The following UBR4 variants were observed in gnomAD, a reference collection of about 807,000 sequenced individuals.
The protein encoded by UBR4 is ubiquitin protein ligase E3 component n-recognin 4.
A neutral mutation model predicts 575.6 loss-of-function variants in UBR4; 124 were observed. The ratio of observed to expected loss-of-function variants is 0.22; its 90% CI spans 0.19 to 0.25. The LOEUF (loss-of-function observed/expected upper bound fraction) is 0.25. UBR4 is among the 10% of genes least tolerant of loss of function. The probability of loss-of-function intolerance (pLI) is 1.00; values close to 1 mark genes in which losing one functional copy is unlikely to be tolerated. For synonymous variants in UBR4, 2,455 were observed against 2,473.7 expected (o/e 0.99, Z 0.22); for missense variants, 4,818 against 6,478.8 (o/e 0.74, Z 8.80).
intron 60 of UBR4, among the ~76,000 whole-genome samples, chr1:19,136,747 T>G (rs2083242816): frequency 6.6e-6 from 1 of 152,208 alleles, no homozygotes; most frequent in Non-Finnish European, 1.5e-5. Context: ...TAAAAAATCA[T>G]AGAGACCAAA....
chr1:19,117,215 C>A lies in UBR4; in HGVS notation c.10823+6G>T, dbSNP rs756008905. The stretch of plus-strand genomic sequence containing the variant: ...CTGCCCCTCCCGAGGCCTAAAAAGC[C>A]CGTACTTGTTTTTCAACTCCACGAT... On this transcript the variant is annotated splice_donor_region_variant and intron_variant, in intron 73 of 105. Coordinates refer to ENST00000375254, the MANE Select transcript of UBR4 (RefSeq NM_020765.3). This position sits in a 1 kb window ranked among gnomAD's most constrained non-coding sequence, Gnocchi z 4.0. 6.2e-7 allele frequency: 1 copy of A among 1,610,838 alleles called. No individual in the cohort carries two copies. Among genetic ancestry groups the A allele is most frequent in the East Asian group, 2.2e-5 (1 of 44,820 alleles).
In UBR4 at chr1:19,093,238, C is replaced by CA; in HGVS notation, c.14111+74dup. The stretch of plus-strand genomic sequence containing the variant: ...AAGGGGCACACGTGAAGCTTTATGC[C>CA]AAGATGCTGATGGAGAAGGAAAAGG... On this transcript the variant is annotated intron_variant, in intron 96 of 105. Transcript: ENST00000375254. This position sits in a 1 kb window ranked among gnomAD's most constrained non-coding sequence, Gnocchi z 4.8. 1 of 1,553,172 alleles carries CA rather than the reference C, an allele frequency of 6.4e-7. No homozygotes were observed.
chr1:19,184,422 T>C (rs759324110), intron 15 of UBR4, among the ~76,000 whole-genome samples: 12 of 152,182 alleles, frequency 7.9e-5, no homozygotes, highest in Non-Finnish European at 1.8e-4. Context: ...CAAAACAGTG[T>C]ATGAAAACAG....
chr1:19,178,379 G>C (rs540994259), intron 18 of UBR4, among the ~76,000 whole-genome samples: 2 of 152,356 alleles, frequency 1.3e-5, no homozygotes, highest in South Asian at 4.1e-4. Flanking sequence ...TTAGGAAAGA[G>C]ATTTGTGTGT....
Position 19,152,823 on chromosome 1 carries a change from A to T in UBR4, c.6833-347T>A, listed in dbSNP as rs943594833. On this transcript the variant is annotated intron_variant, in intron 46 of 105. Coordinates refer to ENST00000375254, the MANE Select transcript of UBR4 (RefSeq NM_020765.3). This position sits in a 1 kb window ranked among gnomAD's most constrained non-coding sequence, Gnocchi z 4.4. The stretch of plus-strand genomic sequence containing the variant: ...TTCTTTCAAAATAGACTGTAGAGCA[A>T]ATTTAAGGTAATGTGATGATCCCTG... 1.3e-5 allele frequency among the ~76,000 whole-genome samples: 2 copies of T among 152,224 alleles called. No individual in the cohort carries two copies. The highest frequency in any genetic ancestry group is 4.8e-5 in the African/African-American group (2 of 41,454).
intron 37 of UBR4, 114 bp downstream of exon 37, chr1:19,161,475 G>A: frequency 7.2e-7 from 1 of 1,394,636 alleles, no homozygotes; most frequent in Non-Finnish European, 9.7e-7. Context: ...GAGTGAGCTG[G>A]AACATATTCC....
At chr1:19,121,851 C>T (rs1026945894) in intron 67 of UBR4, 83 bp downstream of exon 67, 78 of 1,441,462 alleles carry the variant, frequency 5.4e-5, no homozygotes, top group Admixed American at 3.4e-4. Flanking sequence ...CTCCAGCATC[C>T]AGTTCAGTGC....
Position 19,197,257 on chromosome 1 carries a change from G to T in UBR4, c.902C>A (p.Ser301Ter). 1 of 1,614,138 alleles carries T rather than the reference G, an allele frequency of 6.2e-7. No homozygotes were observed. Among genetic ancestry groups the T allele is most frequent in the South Asian group, 1.1e-5 (1 of 91,080 alleles). ...TGCCATAGTTACATCAATCACCAAT[G>T]AATGAAAGCTGGAACATGACAGAGA... The part of the protein sequence containing the change: ...DATAVRNGFH[S>*]LVIDVTMALD... Residue 301 changes from serine (S) to a stop codon, truncating the protein, a stop_gained, in exon 8 of 106, where the codon TCA becomes TAA. Coordinates refer to ENST00000375254, the MANE Select transcript of UBR4 (RefSeq NM_020765.3). LOFTEE classifies it high-confidence loss of function.
At chr1:19,165,524 C>T in intron 30 of UBR4, 132 bp downstream of exon 30, 1 of 1,092,670 alleles carries the variant, frequency 9.2e-7, no homozygotes, top group Admixed American at 2.4e-5. Context: ...CAGCAATTAA[C>T]TCCCCAAAGT....
At chr1:19,135,457 T>C (rs1293019794) in intron 60 of UBR4, among the ~76,000 whole-genome samples, 1 of 152,368 alleles carries the variant, frequency 6.6e-6, no homozygotes, top group East Asian at 1.9e-4. Context: ...ACTAGGATTA[T>C]ATGGCTCTAT....
chr1:19,157,929 G>A lies in UBR4; in HGVS notation c.5646C>T (p.Gly1882=), dbSNP rs2086677113. The A allele has an allele frequency of 6.2e-7, 1 of 1,614,110 alleles. No individual in the cohort carries two copies. Among genetic ancestry groups the A allele is most frequent in the Admixed American group, 1.7e-5 (1 of 60,012 alleles). The change falls in exon 40 of 106, where the codon GGC becomes GGT. Residue 1882 remains glycine (G), a synonymous_variant. Coordinates refer to ENST00000375254, the MANE Select transcript of UBR4 (RefSeq NM_020765.3). This position sits in a 1 kb window ranked among gnomAD's most constrained non-coding sequence, Gnocchi z 4.4. The stretch of plus-strand genomic sequence containing the variant: ...CACTGATCAGCTGCCGGATGGTCTG[G>A]CCCTGGTCTCCACTGTAATTCATCC... ...NVRMNYSGDQ[G]QTIRQLISAH...
chr1:19,113,681 C>G lies in UBR4; in HGVS notation c.11457+18G>C. 6.2e-7 allele frequency: 1 copy of G among 1,613,712 alleles called. No homozygotes were observed. The highest frequency in any genetic ancestry group is 8.5e-7 in the Non-Finnish European group (1 of 1,179,912). ...CACTTGGACAAAACACACCCAAAAG[C>G]TGCTCCCCGCTCTCTACCTGGATGA... On this transcript the variant is annotated intron_variant, in intron 77 of 105. Coordinates refer to ENST00000375254, the MANE Select transcript of UBR4 (RefSeq NM_020765.3).
Position 19,089,028 on chromosome 1 carries a change from C to T in UBR4, c.14212-51G>A, listed in dbSNP as rs762427954. 6.3e-7 allele frequency: 1 copy of T among 1,582,110 alleles called. No individual in the cohort carries two copies. Among genetic ancestry groups the T allele is most frequent in the South Asian group, 1.1e-5 (1 of 89,086 alleles). On this transcript the variant is annotated intron_variant, in intron 97 of 105. Transcript: ENST00000375254. The surrounding 1 kb of genome is among the most constrained non-coding windows in gnomAD (Gnocchi z 4.3). The stretch of plus-strand genomic sequence containing the variant: ...CATGCCTCCAATTATGTAGACAAAC[C>T]TTCTTCCCGGGAGCTTAAAGGTTTA...
chr1:19,082,459 T>C (rs1156468062), intron 102 of UBR4, among the ~76,000 whole-genome samples: 2 of 152,230 alleles, frequency 1.3e-5, no homozygotes, highest in African/African-American at 4.8e-5. Context: ...GCTGAAGCTT[T>C]GACAAAAGGT....
At chr1:19,134,855 T>A (rs1389901894) in intron 60 of UBR4, among the ~76,000 whole-genome samples, 1 of 152,154 alleles carries the variant, frequency 6.6e-6, no homozygotes, top group Non-Finnish European at 1.5e-5. Context: ...CCGACCCCAC[T>A]CTAGCCTAGG....
chr1:19,149,213 T>C (rs1021035918), intron 49 of UBR4, among the ~76,000 whole-genome samples: 2 of 152,188 alleles, frequency 1.3e-5, no homozygotes, highest in African/African-American at 4.8e-5. Flanking sequence ...CAACTATTAC[T>C]ATTAAAGGTA....
chr1:19,147,896 C>T lies in UBR4; in HGVS notation c.7629+97G>A. The T allele has an allele frequency of 2.6e-6, 4 of 1,522,412 alleles. 1 individual carries two copies. The South Asian group carries it at 5.1e-5, about 19-fold the overall frequency. The allele number at this position is 1,522,412 out of a possible 1,614,324, so 94.3% of individuals were successfully genotyped here. A position where few individuals can be genotyped will look rare whatever the true frequency, so the allele number is the denominator to read the frequency against. The stretch of plus-strand genomic sequence containing the variant: ...GTCTAATCTGAATGCTATCCTCCCT[C>T]TACCTTACTTTGCTGTGCTGTTGCT... On this transcript the variant is annotated intron_variant, in intron 51 of 105. Coordinates refer to ENST00000375254, the MANE Select transcript of UBR4 (RefSeq NM_020765.3).
chr1:19,165,314 T>G lies in UBR4; in HGVS notation c.4247A>C (p.Asn1416Thr). The part of the protein sequence containing the change: ...ELVQIMMATA[N>T]ENLSAKFCNR... ...ACAGAATTTAGCAGAGAGGTTCTCATTGGCTGTTGCCATCATGATCTGTAC... is the reference window on the plus strand; with the variant it reads ...ACAGAATTTAGCAGAGAGGTTCTCAGTGGCTGTTGCCATCATGATCTGTAC... Residue 1416 changes from asparagine (N) to threonine (T), a missense_variant, in exon 31 of 106, where the codon AAT becomes ACT. Asn to Thr is a moderately conservative substitution (Grantham distance 65, BLOSUM62 0). Coordinates refer to ENST00000375254, the MANE Select transcript of UBR4 (RefSeq NM_020765.3). 1.2e-6 allele frequency: 2 copies of G among 1,614,194 alleles called. No individual in the cohort carries two copies. The highest frequency in any genetic ancestry group is 1.7e-6 in the Non-Finnish European group (2 of 1,180,028).
intron 103 of UBR4, 29 bp from the exon 104 acceptor site, chr1:19,078,095 T>A (rs1260782989): frequency 5.0e-6 from 8 of 1,608,214 alleles, no homozygotes; most frequent in Non-Finnish European, 6.8e-6. Flanking sequence ...TTCCATCACA[T>A]GAAGTCCCTA....
Sources: allele counts gnomAD v4.1 joint callset (sites outside exome capture counted in the v4.1 genomes callset), GRCh38; gene constraint gnomAD v4.1.1; non-coding constraint Gnocchi (gnomAD v3.1); transcripts MANE v1.5; gene names NCBI Gene and HGNC (gene_info 2026-07-23, HGNC 2026-07-21).